Variants in PCDH19 observed in about 807,000 individuals in gnomAD.
PCDH19 encodes the protein protocadherin-19.
Under a neutral mutation model 46.2 loss-of-function variants are expected in PCDH19, and 6 were observed. The observed-to-expected ratio is 0.13, with a 90% CI of 0.07 to 0.26. PCDH19 has a LOEUF of 0.26. Among genes scored for constraint, PCDH19 ranks in the 10% least tolerant of loss-of-function variants. The pLI is 1.00. For missense variants in PCDH19, 740 were observed against 972.3 expected, an observed-to-expected ratio of 0.76 and a Z score of 3.18; for synonymous variants, 481 against 415.7, an observed-to-expected ratio of 1.16 and a Z score of -1.91.
intron 3 of PCDH19, among the ~76,000 whole-genome samples, chrX:100,363,732 A>T (rs1926977791): frequency 1.1e-5 from 1 of 88,177 alleles, no homozygotes; most frequent in Non-Finnish European, 2.3e-5. Context: ...TATTTATTTT[A>T]TATATATAAA....
rs762977825 is a variant in PCDH19 at position 100,305,470 on chromosome X, T to TA, written c.2849-8596dup. 2.3e-4 allele frequency among the ~76,000 whole-genome samples: 26 copies of TA among 111,768 alleles called. No individual in the cohort carries two copies. The East Asian group carries it at 7.3e-3, about 32-fold the overall frequency. ...GAAATACATGAAAATAGAACCTCCTTAAAGCATAAATCTCACAGGAACTAT... is the reference window on the plus strand; with the variant it reads ...GAAATACATGAAAATAGAACCTCCTTAAAAGCATAAATCTCACAGGAACTAT... On this transcript the variant is annotated intron_variant, in intron 5 of 5. Transcript: ENST00000373034.
At chrX:100,324,874 A>T (rs1439590062) in intron 5 of PCDH19, among the ~76,000 whole-genome samples, 2 of 110,896 alleles carry the variant, frequency 1.8e-5, no homozygotes, top group African/African-American at 6.6e-5. Context: ...TAATCCTTAC[A>T]ACCACCCCAC....
intron 3 of PCDH19, among the ~76,000 whole-genome samples, chrX:100,401,650 CAAA>C (rs202013991): frequency 1.6e-5 from 1 of 63,961 alleles, no homozygotes. Flanking sequence ...AACTCCATCT[CAAA>C]AAAAAAAAAA....
At chrX:100,322,865 A>ATATATATATATTTT in intron 5 of PCDH19, among the ~76,000 whole-genome samples, 4 of 54,418 alleles carry the variant, frequency 7.4e-5, no homozygotes, top group African/African-American at 8.4e-5. Flanking sequence ...ATATATATAT[A>ATATATATATATTTT]TTTTTGCAGC....
chrX:100,385,369 C>T (rs999420139), intron 3 of PCDH19, among the ~76,000 whole-genome samples: 9 of 110,578 alleles, frequency 8.1e-5, no homozygotes, highest in African/African-American at 1.6e-4. Context: ...TATATAAACC[C>T]TCAGATAAAA....
chrX:100,370,782 AT>A (rs1261801700), intron 3 of PCDH19, among the ~76,000 whole-genome samples: 1 of 111,303 alleles, frequency 9.0e-6, no homozygotes, highest in Non-Finnish European at 1.9e-5. Flanking sequence ...TAAAAGATGC[AT>A]TTTTTCCTAT....
chrX:100,347,250 G>A (rs776788408), intron 4 of PCDH19, among the ~76,000 whole-genome samples: 2 of 111,036 alleles, frequency 1.8e-5, no homozygotes, highest in African/African-American at 3.3e-5. Context: ...AGACATCAGC[G>A]GGAGATCAGA....
chrX:100,351,295 C>A (rs1019577934), intron 3 of PCDH19, among the ~76,000 whole-genome samples: 5 of 112,637 alleles, frequency 4.4e-5, no homozygotes, highest in African/African-American at 1.6e-4. Context: ...ACAGGGGGTG[C>A]CAAAGCCTTT....
intron 5 of PCDH19, among the ~76,000 whole-genome samples, chrX:100,304,362 G>T (rs1054805928): frequency 9.0e-6 from 1 of 111,228 alleles, no homozygotes; most frequent in African/African-American, 3.3e-5. Flanking sequence ...CCATCCCCAG[G>T]GGAAGGGGAA....
At position 100,399,976 on chromosome X, in the gene PCDH19, T is replaced by C. The variant is rs1928130896; in HGVS notation, c.2616+2548A>G. ...CTAAGTCTTAGGTAAACCAATCAGA[T>C]GTCGTCATATGTTTTCTGTCCTCTC... On this transcript the variant is annotated intron_variant, in intron 3 of 5. Transcript: ENST00000373034. 3.2e-5 allele frequency among the ~76,000 whole-genome samples: 3 copies of C among 94,350 alleles called. No homozygotes were observed. In the South Asian group the frequency reaches 1.3e-3, roughly 40 times the overall value. The allele number at this position is 94,350 out of a possible 115,157, so 81.9% of individuals were successfully genotyped here.
intron 5 of PCDH19, among the ~76,000 whole-genome samples, chrX:100,335,999 A>T (rs923177409): frequency 1.1e-4 from 12 of 112,552 alleles, no homozygotes; most frequent in Non-Finnish European, 2.1e-4. Context: ...CATGAATTGC[A>T]AAACAGTGTA....
At chrX:100,391,547 G>T (rs1927862744) in intron 3 of PCDH19, among the ~76,000 whole-genome samples, 1 of 111,848 alleles carries the variant, frequency 8.9e-6, no homozygotes, top group African/African-American at 3.3e-5. Flanking sequence ...AGCAACCATT[G>T]TCATCACATG....
chrX:100,322,861 A>AT (rs1157437894), intron 5 of PCDH19, among the ~76,000 whole-genome samples: 5 of 44,416 alleles, frequency 1.1e-4, no homozygotes, highest in African/African-American at 5.4e-4. Context: ...ATATATATAT[A>AT]TATATTTTTG....
rs1431498920 is a variant in PCDH19, at chrX:100,406,950, G to A, written c.1648C>T (p.Arg550Trp). Residue 550 changes from arginine to tryptophan, a missense_variant, in exon 1 of 6, where the codon CGG (arginine) becomes TGG (tryptophan). By Grantham distance (101) the Arg-to-Trp change is moderately radical (BLOSUM62 -3). This residue lies in a region of PCDH19 where 186 missense variants were observed against 319.9 expected (regional missense o/e 0.58). Coordinates refer to ENST00000373034, the MANE Select transcript of PCDH19 (RefSeq NM_001184880.2). ...TCGTTGACGTCGAGGATGATGACCC[G>A]CACCGTAGCGTTGCTTTGCAGTGAG... ...LPSLQSNATV[R>W]VIILDVNDNT... 2 of 1,209,842 alleles carry A rather than the reference G, an allele frequency of 1.7e-6. No individual in the cohort carries two copies. Among genetic ancestry groups the A allele is most frequent in the South Asian group, 1.8e-5 (1 of 56,797 alleles).
chrX:100,320,529 G>A (rs959008547), intron 5 of PCDH19, among the ~76,000 whole-genome samples: 2 of 111,780 alleles, frequency 1.8e-5, no homozygotes, highest in African/African-American at 3.3e-5. Context: ...GTGGAAAATC[G>A]TTTTTGGATC....
intron 5 of PCDH19, among the ~76,000 whole-genome samples, chrX:100,299,065 C>T (rs183126037): frequency 9.0e-6 from 1 of 111,215 alleles, no homozygotes; most frequent in East Asian, 2.8e-4. Flanking sequence ...GGGAAAAGTT[C>T]AATAAATTAT....
In PCDH19 at chrX:100,341,965, G is replaced by A. The variant is rs370150093; in HGVS notation, c.2786C>T (p.Thr929Ile). 5.8e-6 allele frequency: 7 copies of A among 1,207,496 alleles called. No homozygotes were observed. The highest frequency in any genetic ancestry group is 7.8e-6 in the Non-Finnish European group (7 of 892,806). Residue 929 changes from threonine to isoleucine, a missense_variant, in exon 5 of 6, where the codon ACT (threonine) becomes ATT (isoleucine). Transcript: ENST00000373034. Reference sequence around the variant, plus strand: ...GGTGTTCAGCACATCGTTGACAGCAGTATCACAATACAGGCTCCGCTGGAC... The same window carrying A: ...GGTGTTCAGCACATCGTTGACAGCAATATCACAATACAGGCTCCGCTGGAC... ...HDVQRSLYCDTAVNDVLNTSV... is the reference protein window; with the variant it reads ...HDVQRSLYCDIAVNDVLNTSV...
chrX:100,406,871 T>C lies in PCDH19; in HGVS notation c.1727A>G (p.Tyr576Cys). The change falls in exon 1 of 6, where the codon TAC becomes TGC. Residue 576 changes from tyrosine to cysteine, a missense_variant. This residue lies in a region of PCDH19 where 416 missense variants were observed against 476.8 expected (regional missense o/e 0.87). Coordinates refer to ENST00000373034, the MANE Select transcript of PCDH19 (RefSeq NM_001184880.2). Reference protein sequence around the residue: ...PPLINGTAEVYIPRNSGIGYL... With the variant: ...PPLINGTAEVCIPRNSGIGYL... The stretch of plus-strand genomic sequence containing the variant: ...GCCTATGCCAGAGTTGCGGGGTATG[T>C]AGACCTCGGCAGTGCCGTTAATCAG... The C allele has an allele frequency of 8.3e-7, 1 of 1,211,897 alleles. No homozygotes were observed. Among genetic ancestry groups the C allele is most frequent in the Non-Finnish European group, 1.1e-6 (1 of 895,536 alleles).
intron 5 of PCDH19, among the ~76,000 whole-genome samples, chrX:100,327,208 T>C (rs983920558): frequency 1.8e-5 from 2 of 111,886 alleles, no homozygotes; most frequent in Non-Finnish European, 3.8e-5. Flanking sequence ...ACACTTGCTA[T>C]GTTTTGGACA....
Sources: allele counts gnomAD v4.1 joint callset (sites outside exome capture counted in the v4.1 genomes callset), GRCh38; gene constraint gnomAD v4.1.1; regional missense constraint gnomAD v4.1.1; transcripts MANE v1.5; gene names NCBI Gene and HGNC (gene_info 2026-07-23, HGNC 2026-07-21).